Variants in JAKMIP2 observed in about 807,000 individuals in gnomAD.
JAKMIP2 encodes the protein janus kinase and microtubule interacting protein 2.
In JAKMIP2, 25 loss-of-function variants were observed where a neutral mutation model predicts 115.0. The ratio of observed to expected loss-of-function variants is 0.22; its 90% CI spans 0.16 to 0.30. The LOEUF is 0.30. Among genes scored for constraint, JAKMIP2 ranks in the 10% least tolerant of loss-of-function variants. JAKMIP2 has a pLI of 1.00. For synonymous variants in JAKMIP2, 334 were observed against 343.6 expected (o/e 0.97, Z 0.31); for missense variants, 642 against 957.6 (o/e 0.67, Z 4.35).
intron 12 of JAKMIP2, among the ~76,000 whole-genome samples, chr5:147,634,467 TC>T (rs1267542210): frequency 6.6e-6 from 1 of 152,202 alleles, no homozygotes; most frequent in Non-Finnish European, 1.5e-5. Flanking sequence ...TAGTAAACTT[TC>T]AAAAGTTTGT....
rs1758919782 is a variant in JAKMIP2, at chr5:147,660,882, C to G, written c.627+66G>C. 5.2e-6 allele frequency: 8 copies of G among 1,550,134 alleles called. No individual in the cohort carries two copies. In the Admixed American group the frequency reaches 5.8e-5, roughly 11 times the overall value. On this transcript the variant is annotated intron_variant, in intron 3 of 21. Transcript: ENST00000616793. The stretch of plus-strand genomic sequence containing the variant: ...CAAGAAAACACATGAAGAAGCAAAC[C>G]CCACAGCGCTCTGAAACCTGGAAGA...
rs1561547306 is a variant in JAKMIP2 at position 147,702,600 on chromosome 5, GAAGGAAA to G, written c.-148-30653_-148-30647del. 1.1e-3 allele frequency among the ~76,000 whole-genome samples: 109 copies of G among 102,302 alleles called. 1 individual carries two copies. The highest frequency in any genetic ancestry group is 2.1e-3 in the South Asian group (6 of 2,874). 67.1% of individuals were successfully genotyped at this position (102,302 alleles called of 152,430 possible). ...AGAAGGAAAGAAAGAAAGAAAGAAA[GAAGGAAA>G]GAAAGAAAGAAAGAAAGAAAGAAAG... On this transcript the variant is annotated intron_variant, in intron 1 of 21. Coordinates refer to ENST00000616793, the MANE Select transcript of JAKMIP2 (RefSeq NM_001270941.2).
At position 147,623,708 on chromosome 5, in the gene JAKMIP2, A is replaced by G; in HGVS notation, c.1996-19T>C. On this transcript the variant is annotated intron_variant, in intron 16 of 21. Transcript: ENST00000616793. ...GGATCCACTAAGGGGTTAACAAGAC[A>G]AAAGTGTTTGACATGGCTGCTTGAT... 6.3e-7 allele frequency: 1 copy of G among 1,577,716 alleles called. No homozygotes were observed. Among genetic ancestry groups the G allele is most frequent in the Non-Finnish European group, 8.7e-7 (1 of 1,146,812 alleles).
At chr5:147,735,900 G>C (rs957170309) in intron 1 of JAKMIP2, among the ~76,000 whole-genome samples, 1 of 152,148 alleles carries the variant, frequency 6.6e-6, no homozygotes, top group Non-Finnish European at 1.5e-5. Context: ...GGTTTGAAGT[G>C]AGTAGTTTCA....
At chr5:147,731,890 G>T (rs1753747870) in intron 1 of JAKMIP2, among the ~76,000 whole-genome samples, 1 of 152,194 alleles carries the variant, frequency 6.6e-6, no homozygotes, top group African/African-American at 2.4e-5. Flanking sequence ...ACATCTCCCA[G>T]TGTTGCAGCA....
intron 1 of JAKMIP2, among the ~76,000 whole-genome samples, chr5:147,770,266 A>T (rs1292425212): frequency 6.6e-6 from 1 of 152,106 alleles, no homozygotes; most frequent in Non-Finnish European, 1.5e-5. Flanking sequence ...TATGTGATCC[A>T]TATATCTGTA....
intron 1 of JAKMIP2, among the ~76,000 whole-genome samples, chr5:147,744,013 TC>T (rs1754256098): frequency 1.5e-5 from 2 of 134,292 alleles, no homozygotes; most frequent in South Asian, 5.0e-4. Context: ...CTTCCTTCCT[TC>T]CTTCCTTCCT....
At chr5:147,705,105 T>C (rs1752512371) in intron 1 of JAKMIP2, among the ~76,000 whole-genome samples, 1 of 152,184 alleles carries the variant, frequency 6.6e-6, no homozygotes, top group Admixed American at 6.6e-5. Context: ...TTAAGAATAA[T>C]TTTCCTCTGG....
chr5:147,682,069 G>T (rs1760313895), intron 1 of JAKMIP2, among the ~76,000 whole-genome samples: 1 of 149,208 alleles, frequency 6.7e-6, no homozygotes, highest in Admixed American at 6.7e-5. Context: ...AAAAATAAAA[G>T]TGACATATGT....
chr5:147,633,481 A>G (rs1757464109), intron 12 of JAKMIP2, among the ~76,000 whole-genome samples: 1 of 152,162 alleles, frequency 6.6e-6, no homozygotes, highest in Non-Finnish European at 1.5e-5. Context: ...AACACCTTAA[A>G]GCTAAGCTCT....
chr5:147,782,352 T>A, intron 1 of JAKMIP2, 104 bp downstream of exon 1: 3 of 1,165,006 alleles, frequency 2.6e-6, no homozygotes, highest in Non-Finnish European at 3.7e-6. Flanking sequence ...CCCCTTCTAG[T>A]CTGAGGCACG....
Position 147,640,766 on chromosome 5 carries a change from A to T in JAKMIP2, c.1339T>A (p.Ser447Thr), listed in dbSNP as rs1432944258. The change falls in exon 9 of 22, where the codon TCA (serine) becomes ACA (threonine). Residue 447 changes from serine (S) to threonine (T), a missense_variant. Physicochemically the swap from Ser to Thr is moderately conservative, Grantham distance 58. Around this residue, in one of 6 missense-constraint regions of JAKMIP2, gnomAD observed 439 missense variants for 570.9 expected, o/e 0.77. Transcript: ENST00000616793. ...TCTGTTCTAAATGAGGCCATGGATGATGTCTCTGAATCCATAGAGTCCTCA... is the reference window on the plus strand; with the variant it reads ...TCTGTTCTAAATGAGGCCATGGATGTTGTCTCTGAATCCATAGAGTCCTCA... ...YDEDSMDSET[S>T]SMASFRTDRT... 6.2e-7 allele frequency: 1 copy of T among 1,613,104 alleles called. No homozygotes were observed. Among genetic ancestry groups the T allele is most frequent in the Non-Finnish European group, 8.5e-7 (1 of 1,179,174 alleles).
intron 21 of JAKMIP2, chr5:147,594,491 T>C (rs1042193094): frequency 6.5e-5 from 29 of 446,294 alleles, no homozygotes; most frequent in Middle Eastern, 3.9e-4. Flanking sequence ...TGTGCCCCCA[T>C]ACCCAGCTAG....
intron 1 of JAKMIP2, among the ~76,000 whole-genome samples, chr5:147,743,418 T>G (rs1427898600): frequency 6.6e-6 from 1 of 152,206 alleles, no homozygotes; most frequent in African/African-American, 2.4e-5. Context: ...TGTGCATCCC[T>G]CACAATAAAA....
intron 1 of JAKMIP2, among the ~76,000 whole-genome samples, chr5:147,702,068 C>T (rs1752343102): frequency 6.6e-6 from 1 of 152,148 alleles, no homozygotes; most frequent in African/African-American, 2.4e-5. Flanking sequence ...AATTGCCTGA[C>T]ACAAAAGTCG....
At chr5:147,715,113 G>C (rs1752921460) in intron 1 of JAKMIP2, among the ~76,000 whole-genome samples, 1 of 152,092 alleles carries the variant, frequency 6.6e-6, no homozygotes, top group African/African-American at 2.4e-5. Flanking sequence ...TTTGATAAGA[G>C]AAGAATATGT....
At chr5:147,777,166 C>G (rs1382580724) in intron 1 of JAKMIP2, among the ~76,000 whole-genome samples, 3 of 151,986 alleles carry the variant, frequency 2.0e-5, no homozygotes, top group African/African-American at 7.3e-5. Flanking sequence ...AATTTAATAC[C>G]CATTGTAAGA....
At chr5:147,708,352 CA>C (rs1752656972) in intron 1 of JAKMIP2, among the ~76,000 whole-genome samples, 1 of 152,102 alleles carries the variant, frequency 6.6e-6, no homozygotes, top group Non-Finnish European at 1.5e-5. Context: ...AGGTTCTACC[CA>C]TATAAATCTG....
intron 17 of JAKMIP2, among the ~76,000 whole-genome samples, 196 bp from the exon 18 acceptor site, chr5:147,620,939 G>C (rs915948627): frequency 1.2e-4 from 18 of 152,130 alleles, no homozygotes; most frequent in Admixed American, 8.5e-4. Flanking sequence ...ATGGAAAGCA[G>C]CATAAAAGAT....
Sources: allele counts gnomAD v4.1 joint callset (sites outside exome capture counted in the v4.1 genomes callset), GRCh38; gene constraint gnomAD v4.1.1; regional missense constraint gnomAD v4.1.1; transcripts MANE v1.5; gene names NCBI Gene and HGNC (gene_info 2026-07-23, HGNC 2026-07-21).